PHLPP1: variants seen among roughly 807,000 people sequenced by gnomAD.
The protein encoded by PHLPP1 is PH domain leucine-rich repeat-containing protein phosphatase 1.
In PHLPP1, 42 loss-of-function variants were observed where a neutral mutation model predicts 117.2. The observed-to-expected ratio is 0.36, with a 90% CI of 0.28 to 0.46. PHLPP1 has a LOEUF of 0.46. Among genes scored for constraint, PHLPP1 ranks in the 20% least tolerant of loss-of-function variants. The probability of loss-of-function intolerance (pLI) is 1.00; values close to 1 mark genes in which losing one functional copy is unlikely to be tolerated. For missense variants in PHLPP1, 2,084 were observed against 2,241.9 expected, an observed-to-expected ratio of 0.93 and a Z score of 1.42; for synonymous variants, 1,042 against 970.7, an observed-to-expected ratio of 1.07 and a Z score of -1.37.
chr18:62,739,893 A>G (rs1260947938), intron 1 of PHLPP1, among the ~76,000 whole-genome samples: 2 of 152,196 alleles, frequency 1.3e-5, no homozygotes, highest in African/African-American at 2.4e-5. Context: ...TCATCAACCA[A>G]GTAATCATAG....
intron 12 of PHLPP1, among the ~76,000 whole-genome samples, chr18:62,953,954 TATA>T (rs1472361617): frequency 6.6e-6 from 1 of 152,330 alleles, no homozygotes; most frequent in Middle Eastern, 3.4e-3. Flanking sequence ...GCAGATGATA[TATA>T]ATACTTTGCT....
At chr18:62,870,609 T>G (rs1055063514) in intron 4 of PHLPP1, among the ~76,000 whole-genome samples, 1 of 152,236 alleles carries the variant, frequency 6.6e-6, no homozygotes, top group African/African-American at 2.4e-5. Context: ...GGTTACAATG[T>G]TAGGACAAAT....
intron 1 of PHLPP1, among the ~76,000 whole-genome samples, chr18:62,737,469 C>G (rs556533690): frequency 1.3e-5 from 2 of 152,300 alleles, no homozygotes; most frequent in South Asian, 4.1e-4. Flanking sequence ...TGGCGAGGGA[C>G]TAACTAGAAA....
chr18:62,850,071 CA>C (rs1915300546), intron 3 of PHLPP1, among the ~76,000 whole-genome samples: 2 of 124,884 alleles, frequency 1.6e-5, no homozygotes, highest in Non-Finnish European at 1.8e-5. Context: ...AATTAAACAT[CA>C]ATTTTTTTTT....
chr18:62,898,320 T>C (rs1027176754), intron 6 of PHLPP1, among the ~76,000 whole-genome samples: 5 of 152,246 alleles, frequency 3.3e-5, no homozygotes, highest in East Asian at 1.9e-4. Flanking sequence ...TTTCTTTTTT[T>C]GCTGATAGCA....
chr18:62,977,428 C>CAAAAAAAAAAAAAAA (rs3087160), intron 16 of PHLPP1, among the ~76,000 whole-genome samples: 1 of 74,236 alleles, frequency 1.3e-5, no homozygotes, highest in Non-Finnish European at 2.6e-5. Flanking sequence ...GTACACGTGG[C>CAAAAAAAAAAAAAAA]AAAAAAAAAA....
chr18:62,847,393 C>G (rs1915207852), intron 3 of PHLPP1, among the ~76,000 whole-genome samples: 1 of 152,104 alleles, frequency 6.6e-6, no homozygotes, highest in African/African-American at 2.4e-5. Flanking sequence ...CTCATGTGTT[C>G]TTGGTGGAAC....
chr18:62,774,308 G>A (rs969721454), intron 1 of PHLPP1, among the ~76,000 whole-genome samples: 2 of 152,144 alleles, frequency 1.3e-5, no homozygotes, highest in Non-Finnish European at 2.9e-5. Context: ...TGTTAGACAC[G>A]TAGCATGGCA....
chr18:62,812,181 T>C (rs1227876614), intron 1 of PHLPP1, among the ~76,000 whole-genome samples: 1 of 152,194 alleles, frequency 6.6e-6, no homozygotes, highest in Non-Finnish European at 1.5e-5. Context: ...AATGGAAATA[T>C]AGTTCGTTTT....
chr18:62,959,910 C>T (rs991478764), intron 13 of PHLPP1, among the ~76,000 whole-genome samples: 1 of 151,996 alleles, frequency 6.6e-6, no homozygotes, highest in Admixed American at 6.6e-5. Flanking sequence ...GCGTAGAGAC[C>T]GAGGTTCTCT....
chr18:62,978,802 G>A lies in PHLPP1; in HGVS notation c.4525G>A (p.Ala1509Thr). ...PPGALSENSP[A>T]YPSEQRCMLH... ...CGGAGCCCTAAGCGAGAACAGCCCTGCCTACCCCAGTGAGCAGCGCTGCAT... is the reference window on the plus strand; with the variant it reads ...CGGAGCCCTAAGCGAGAACAGCCCTACCTACCCCAGTGAGCAGCGCTGCAT... The change falls in exon 17 of 17, where the codon GCC becomes ACC. Residue 1509 changes from alanine (A) to threonine (T), a missense_variant. By Grantham distance (58) the Ala-to-Thr change is moderately conservative. Around this residue, in one of 2 missense-constraint regions of PHLPP1, gnomAD observed 1,365 missense variants for 1,605.9 expected, o/e 0.85. Coordinates refer to ENST00000262719, the MANE Select transcript of PHLPP1 (RefSeq NM_194449.4). The surrounding 1 kb of genome is among the most constrained non-coding windows in gnomAD (Gnocchi z 7.0). The A allele has an allele frequency of 3.1e-6, 5 of 1,611,900 alleles. No homozygotes were observed. The highest frequency in any genetic ancestry group is 4.2e-6 in the Non-Finnish European group (5 of 1,179,162).
intron 10 of PHLPP1, among the ~76,000 whole-genome samples, chr18:62,920,852 C>T (rs755384966): frequency 3.9e-5 from 6 of 152,166 alleles, no homozygotes; most frequent in African/African-American, 9.7e-5. Context: ...TGAGCCACCA[C>T]GCCTAGGACT....
chr18:62,815,756 TG>T (rs1914253919), intron 1 of PHLPP1, among the ~76,000 whole-genome samples: 1 of 151,826 alleles, frequency 6.6e-6, no homozygotes, highest in Admixed American at 6.6e-5. Context: ...ACAAAGAAAG[TG>T]GAATTAGGTG....
At chr18:62,793,215 G>A (rs1045375962) in intron 1 of PHLPP1, among the ~76,000 whole-genome samples, 2 of 152,138 alleles carry the variant, frequency 1.3e-5, no homozygotes, top group Admixed American at 6.5e-5. Context: ...AAAGCTTATC[G>A]AGTGAATGTA....
intron 1 of PHLPP1, among the ~76,000 whole-genome samples, chr18:62,774,886 G>A (rs1240898038): frequency 4.0e-5 from 6 of 150,330 alleles, no homozygotes; most frequent in African/African-American, 1.2e-4. Flanking sequence ...ACCCTTCTTA[G>A]TTCTCATTCC....
chr18:62,771,841 A>G (rs1161553905), intron 1 of PHLPP1, among the ~76,000 whole-genome samples: 1 of 152,202 alleles, frequency 6.6e-6, no homozygotes, highest in Non-Finnish European at 1.5e-5. Flanking sequence ...CCCATCAGCC[A>G]TTTTCACCAG....
chr18:62,770,432 C>A (rs924269251), intron 1 of PHLPP1, among the ~76,000 whole-genome samples: 1 of 152,166 alleles, frequency 6.6e-6, no homozygotes, highest in Non-Finnish European at 1.5e-5. Context: ...CATGTGTCAA[C>A]TTGCAATCCA....
In PHLPP1 at chr18:62,715,589, T is replaced by C. The variant is rs1031684749; in HGVS notation, c.-95T>C. 4.4e-5 allele frequency: 34 copies of C among 772,866 alleles called. 1 individual carries two copies. The highest frequency in any genetic ancestry group is 3.5e-4 in the Admixed American group (8 of 23,116). The allele number at this position is 772,866 out of a possible 1,614,324, so 47.9% of individuals were successfully genotyped here. ...CACAACGCCATTGGCTTCTCCCTTC[T>C]CCGCGCGCCGCCGCCGTCTCCCACC... On this transcript the variant is annotated 5_prime_UTR_variant, in exon 1 of 17. Transcript: ENST00000262719.
At chr18:62,785,409 A>C (rs1913251406) in intron 1 of PHLPP1, among the ~76,000 whole-genome samples, 1 of 152,238 alleles carries the variant, frequency 6.6e-6, no homozygotes, top group African/African-American at 2.4e-5. Context: ...AATTCAAAGC[A>C]GTACCTTGGG....
Sources: gnomAD v4.1 joint callset for allele counts (sites outside exome capture counted in the v4.1 genomes callset) on GRCh38, gnomAD v4.1.1 for gene constraint, gnomAD v4.1.1 regional missense constraint, Gnocchi (gnomAD v3.1) non-coding constraint, MANE v1.5 for transcripts, NCBI Gene and HGNC (gene_info 2026-07-23, HGNC 2026-07-21) for gene names.